FLT1: variants seen among roughly 807,000 people sequenced by gnomAD.
FLT1 encodes vascular endothelial growth factor receptor 1.
Under a neutral mutation model 156.3 loss-of-function variants are expected in FLT1, and 49 were observed. The ratio of observed to expected loss-of-function variants is 0.31; its 90% CI spans 0.25 to 0.40. The LOEUF (loss-of-function observed/expected upper bound fraction) is 0.40. Ranked by LOEUF, FLT1 falls within the 10% of genes least tolerant of loss-of-function variation. The probability of loss-of-function intolerance (pLI) is 1.00; values close to 1 mark genes in which losing one functional copy is unlikely to be tolerated. For missense variants in FLT1, 1,322 were observed against 1,637.2 expected, an observed-to-expected ratio of 0.81 and a Z score of 3.32; for synonymous variants, 594 against 583.8, an observed-to-expected ratio of 1.02 and a Z score of -0.25.
In FLT1 at chr13:28,344,208, C is replaced by T. The variant is rs185097832; in HGVS notation, c.2355+1237G>A. On this transcript the variant is annotated intron_variant, in intron 16 of 29. Transcript: ENST00000282397. ...GAGACCCTGCCTGGCCAGGCCTTGC[C>T]GCTTTCCCTTCCCATTTCTTGGCAG... is the stretch of plus-strand genomic sequence containing the variant. Among the ~76,000 whole-genome samples, 23 of 152,164 alleles carry T rather than the reference C, an allele frequency of 1.5e-4. No homozygotes were observed. The East Asian group carries it at 3.5e-3, about 23-fold the overall frequency.
chr13:28,472,702 A>T (rs533154119), intron 1 of FLT1, among the ~76,000 whole-genome samples: 1 of 152,220 alleles, frequency 6.6e-6, no homozygotes, highest in South Asian at 2.1e-4. Context: ...ATGAGTCATT[A>T]ATCTCCCTAG....
intron 27 of FLT1, 102 bp downstream of exon 27, chr13:28,311,484 TTCTC>T (rs1286477551): frequency 1.7e-5 from 17 of 979,178 alleles, no homozygotes; most frequent in South Asian, 6.1e-5. Flanking sequence ...CTTTCTTTCT[TTCTC>T]TCTTTCTTTC....
At position 28,494,858 on chromosome 13, in the gene FLT1, G is replaced by T. The variant is rs965579664; in HGVS notation, c.-15C>A. 6.5e-7 allele frequency: 1 copy of T among 1,538,054 alleles called. No individual in the cohort carries two copies. Among genetic ancestry groups the T allele is most frequent in the Non-Finnish European group, 8.7e-7 (1 of 1,148,308 alleles). On this transcript the variant is annotated 5_prime_UTR_variant, in exon 1 of 30. Transcript: ENST00000282397. ...TAGCTGACCATGGTGAGCGCGACGC[G>T]GCCTGCTCGCCCGGTGCCCGCGCTC...
chr13:28,319,610 A>G, intron 23 of FLT1, 76 bp from the exon 24 acceptor site: 1 of 814,350 alleles, frequency 1.2e-6, no homozygotes, highest in South Asian at 1.4e-5. Context: ...CCATGGGGTC[A>G]CCTCCCAGAT....
intron 1 of FLT1, among the ~76,000 whole-genome samples, chr13:28,473,702 G>GAA (rs1880325158): frequency 3.5e-5 from 2 of 57,820 alleles, no homozygotes; most frequent in Non-Finnish European, 6.5e-5. Flanking sequence ...AGAAAGAAAA[G>GAA]AAAGAAAGAA....
chr13:28,397,122 A>ACC, intron 11 of FLT1, 54 bp from the exon 12 acceptor site: 1 of 969,782 alleles, frequency 1.0e-6, no homozygotes. Context: ...CTAATTGAAC[A>ACC]CCCCAAGCTA....
rs1222675285 is a variant in FLT1 at position 28,384,947 on chromosome 13, T to C, written c.2054A>G (p.Asn685Ser). The part of the protein sequence containing the change: ...SSSTTLDCHA[N>S]GVPEPQITWF... The stretch of plus-strand genomic sequence containing the variant: ...AGTGATCTGAGGCTCGGGGACACCA[T>C]TAGCATGACAGTCTAAAGTGGTGGA... The change falls in exon 14 of 30, where the codon AAT (asparagine) becomes AGT (serine). Residue 685 changes from asparagine (N) to serine (S), a missense_variant. This residue lies in a region of FLT1 where 991 missense variants were observed against 1,254.8 expected (regional missense o/e 0.79). Coordinates refer to ENST00000282397, the MANE Select transcript of FLT1 (RefSeq NM_002019.4). The C allele has an allele frequency of 1.9e-6, 3 of 1,613,946 alleles. No homozygotes were observed. Among genetic ancestry groups the C allele is most frequent in the Admixed American group, 3.3e-5 (2 of 60,002 alleles).
chr13:28,316,239 A>T (rs1593673314), intron 25 of FLT1, among the ~76,000 whole-genome samples: 1 of 152,052 alleles, frequency 6.6e-6, no homozygotes, highest in East Asian at 1.9e-4. Flanking sequence ...GGTCTGACCT[A>T]CCCTTACCCC....
intron 14 of FLT1, among the ~76,000 whole-genome samples, chr13:28,376,845 G>A (rs191950302): frequency 9.4e-4 from 143 of 152,304 alleles, no homozygotes; most frequent in Non-Finnish European, 1.4e-3. Flanking sequence ...CCTGAAGAGG[G>A]AGTAAAGACA....
At position 28,303,058 on chromosome 13, in the gene FLT1, C is replaced by A; in HGVS notation, c.*109G>T. ...AAAATCACAAAAAGCAGCTGGCTCC[C>A]ATGGAAAGATAAAGGTGTAAACTTA... On this transcript the variant is annotated 3_prime_UTR_variant, in exon 30 of 30. Transcript: ENST00000282397. 1 of 971,102 alleles carries A rather than the reference C, an allele frequency of 1.0e-6. No individual in the cohort carries two copies. The highest frequency in any genetic ancestry group is 2.5e-5 in the East Asian group (1 of 39,728). 60.2% of individuals were successfully genotyped at this position (971,102 alleles called of 1,614,324 possible).
At chr13:28,407,005 A>G (rs893547747) in intron 10 of FLT1, among the ~76,000 whole-genome samples, 1 of 152,144 alleles carries the variant, frequency 6.6e-6, no homozygotes. Context: ...TCGCATCTGC[A>G]GGGGTACTGG....
chr13:28,434,092 A>G lies in FLT1; in HGVS notation c.642T>C (p.His214=). Residue 214 remains histidine (H), a synonymous_variant, in exon 5 of 30, where the codon CAT becomes CAC. Coordinates refer to ENST00000282397, the MANE Select transcript of FLT1 (RefSeq NM_002019.4). ...GTGTGAGATAGTTTGTCTTATACAA[A>G]TGCCCATTGACTGTTGCTTCACAGG... ...LLTCEATVNG[H]LYKTNYLTHR... is the part of the protein sequence containing the mutation. The G allele has an allele frequency of 6.2e-7, 1 of 1,614,184 alleles. No homozygotes were observed. Among genetic ancestry groups the G allele is most frequent in the Non-Finnish European group, 8.5e-7 (1 of 1,180,020 alleles).
At position 28,311,982 on chromosome 13, in the gene FLT1, T is replaced by C. The variant is rs1566279799; in HGVS notation, c.3492+11A>G. 5 of 1,570,134 alleles carry C rather than the reference T, an allele frequency of 3.2e-6. No homozygotes were observed. In the Middle Eastern group the frequency reaches 8.6e-4, roughly 270 times the overall value. ...TCAAAGGCATTTTGATGTAAATAAA[T>C]TTAGTTTTACCTGTTGTACATTTGC... On this transcript the variant is annotated intron_variant, in intron 26 of 29. Coordinates refer to ENST00000282397, the MANE Select transcript of FLT1 (RefSeq NM_002019.4).
chr13:28,336,028 A>T (rs1000124323), intron 17 of FLT1, among the ~76,000 whole-genome samples: 1 of 152,208 alleles, frequency 6.6e-6, no homozygotes, highest in African/African-American at 2.4e-5. Context: ...GCCTTCCACC[A>T]TCTAAAAAGA....
intron 10 of FLT1, among the ~76,000 whole-genome samples, chr13:28,425,729 G>GT (rs929712747): frequency 5.7e-4 from 85 of 149,100 alleles, no homozygotes; most frequent in Admixed American, 2.2e-3. Context: ...CAATTATTTA[G>GT]TTTTTTTTTT....
intron 29 of FLT1, among the ~76,000 whole-genome samples, chr13:28,304,186 A>G (rs1290870535): frequency 2.0e-5 from 3 of 152,244 alleles, no homozygotes; most frequent in Non-Finnish European, 4.4e-5. Flanking sequence ...GTCTTCTTTA[A>G]CAAATATCTA....
intron 23 of FLT1, 91 bp from the exon 24 acceptor site, chr13:28,319,625 T>A (rs1246206023): frequency 7.4e-5 from 55 of 744,602 alleles, no homozygotes; most frequent in Non-Finnish European, 4.9e-6. Context: ...CCAGATAACA[T>A]ACGGCCTATA....
chr13:28,473,830 GAAAGAAAGGAAGA>G (rs1880383352), intron 1 of FLT1, among the ~76,000 whole-genome samples: 5 of 122,844 alleles, frequency 4.1e-5, no homozygotes, highest in Admixed American at 8.7e-5. Context: ...AAGAAAGAAA[GAAAGAAAGGAAGA>G]AAGAAAGAAA....
intron 11 of FLT1, chr13:28,399,266 GT>G (rs1555234960): frequency 1.4e-5 from 7 of 503,920 alleles, no homozygotes; most frequent in South Asian, 4.4e-5. Context: ...CTCCAGCACT[GT>G]TTTTTTTATG....
Sources: allele counts gnomAD v4.1 joint callset (sites outside exome capture counted in the v4.1 genomes callset), GRCh38; gene constraint gnomAD v4.1.1; regional missense constraint gnomAD v4.1.1; transcripts MANE v1.5; gene names NCBI Gene and HGNC (gene_info 2026-07-23, HGNC 2026-07-21).